SLC27A1: variants seen among roughly 807,000 people sequenced by gnomAD.
The protein encoded by SLC27A1 is solute carrier family 27 member 1, also known as long-chain fatty acid transport protein 1.
Under a neutral mutation model 62.2 loss-of-function variants are expected in SLC27A1, and 61 were observed. The ratio of observed to expected loss-of-function variants is 0.98; its 90% CI spans 0.80 to 1.21. SLC27A1 has a LOEUF of 1.21. SLC27A1 is among the 50% of genes most tolerant of loss of function. The pLI, the probability that SLC27A1 is intolerant of heterozygous loss-of-function variation, is 0.00. For synonymous variants in SLC27A1, 435 were observed against 408.6 expected, an observed-to-expected ratio of 1.06 and a Z score of -0.78; for missense variants, 903 against 932.1, an observed-to-expected ratio of 0.97 and a Z score of 0.41.
At chr19:17,483,430 G>A (rs1366477913) in intron 1 of SLC27A1, among the ~76,000 whole-genome samples, 1 of 152,062 alleles carries the variant, frequency 6.6e-6, no homozygotes, top group Admixed American at 6.6e-5. Context: ...TGTGTGTGGG[G>A]GCTGTGCTCA....
At chr19:17,493,023 T>C (rs1468124921) in intron 6 of SLC27A1, among the ~76,000 whole-genome samples, 2 of 149,948 alleles carry the variant, frequency 1.3e-5, no homozygotes, top group African/African-American at 4.9e-5. Context: ...TTTGGGAGGC[T>C]GAGGCAGGAG....
At chr19:17,499,009 C>T (rs533323596) in intron 7 of SLC27A1, 1 of 154,562 alleles carries the variant, frequency 6.5e-6, no homozygotes, top group Admixed American at 6.5e-5. Flanking sequence ...CACTGAAGCA[C>T]AGCATCACAG....
At chr19:17,471,609 G>A (rs1051116534) in intron 1 of SLC27A1, among the ~76,000 whole-genome samples, 2 of 152,098 alleles carry the variant, frequency 1.3e-5, no homozygotes, top group African/African-American at 4.8e-5. Flanking sequence ...GTGAGCGCCG[G>A]CTAGCGGGGC....
intron 4 of SLC27A1, 160 bp from the exon 5 acceptor site, chr19:17,488,688 C>T (rs1345537422): frequency 6.2e-6 from 4 of 649,072 alleles, no homozygotes; most frequent in Non-Finnish European, 1.1e-5. Context: ...CCTAACACCA[C>T]CAACAATTGT....
chr19:17,481,789 G>A (rs1178328689), intron 1 of SLC27A1, among the ~76,000 whole-genome samples: 2 of 152,216 alleles, frequency 1.3e-5, no homozygotes, highest in African/African-American at 2.4e-5. Flanking sequence ...TTACAGGCAT[G>A]AGCCAGCATG....
At position 17,486,603 on chromosome 19, in the gene SLC27A1, C is replaced by T. The variant is rs1297650399; in HGVS notation, c.208C>T (p.Arg70Trp). 6.3e-7 allele frequency: 1 copy of T among 1,593,648 alleles called. No homozygotes were observed. The highest frequency in any genetic ancestry group is 1.3e-5 in the African/African-American group (1 of 74,868). The part of the protein sequence containing the change: ...VLIRVRLELR[R>W]HQRAGHTIPR... ...GATCCGCGTGCGCCTGGAGCTGCGG[C>T]GGCACCAGCGTGCCGGCCACACCAT... Residue 70 changes from arginine (R) to tryptophan (W), a missense_variant, in exon 2 of 12, where the codon CGG becomes TGG. Transcript: ENST00000252595. The surrounding 1 kb of genome is among the most constrained non-coding windows in gnomAD (Gnocchi z 6.6).
At chr19:17,474,260 A>C (rs1385991275) in intron 1 of SLC27A1, among the ~76,000 whole-genome samples, 1 of 152,140 alleles carries the variant, frequency 6.6e-6, no homozygotes, top group Non-Finnish European at 1.5e-5. Context: ...CTTGCCTTTT[A>C]ATCTTGGGCC....
At chr19:17,500,238 A>G (rs1568424030) in intron 7 of SLC27A1, 40 bp from the exon 8 acceptor site, 2 of 1,602,314 alleles carry the variant, frequency 1.2e-6, no homozygotes, top group Admixed American at 1.7e-5. Flanking sequence ...AGGACCCCGC[A>G]TATCCCCGGC....
At chr19:17,502,043 G>A (rs2075420270) in intron 11 of SLC27A1, among the ~76,000 whole-genome samples, 2 of 151,816 alleles carry the variant, frequency 1.3e-5, no homozygotes, top group South Asian at 4.2e-4. Context: ...TTGAACCTGG[G>A]AGGCAGAGGT....
At chr19:17,488,145 C>T (rs1191488987) in intron 4 of SLC27A1, among the ~76,000 whole-genome samples, 1 of 152,116 alleles carries the variant, frequency 6.6e-6, no homozygotes, top group Non-Finnish European at 1.5e-5. Flanking sequence ...GGTCACTTGA[C>T]GTCAGGAGTT....
At chr19:17,487,390 C>T (rs1260194715) in intron 3 of SLC27A1, 55 bp downstream of exon 3, 3 of 1,519,608 alleles carry the variant, frequency 2.0e-6, no homozygotes, top group Non-Finnish European at 2.7e-6. Flanking sequence ...CCGCCCAGGC[C>T]CCGCCCCCAA....
intron 6 of SLC27A1, among the ~76,000 whole-genome samples, chr19:17,489,493 A>G (rs2075274452): frequency 3.7e-5 from 2 of 54,280 alleles, no homozygotes; most frequent in South Asian, 3.9e-4. Flanking sequence ...ATGCAATCCT[A>G]TAACTTTGGA....
At chr19:17,499,604 G>A (rs1223396831) in intron 7 of SLC27A1, among the ~76,000 whole-genome samples, 2 of 149,910 alleles carry the variant, frequency 1.3e-5, no homozygotes, top group Non-Finnish European at 3.0e-5. Flanking sequence ...TCACGAGTTC[G>A]AGACCAGTCT....
intron 3 of SLC27A1, 47 bp from the exon 4 acceptor site, chr19:17,487,393 GCCCCCAACTTCCAGGCCCCA>G: frequency 3.6e-6 from 1 of 279,064 alleles, no homozygotes; most frequent in South Asian, 6.1e-5. Context: ...CCCAGGCCCC[GCCCCCAACTTCCAGGCCCCA>G]CCCCCCAATG....
At chr19:17,499,907 A>T in intron 7 of SLC27A1, 4 of 219,420 alleles carry the variant, frequency 1.8e-5, no homozygotes, top group Admixed American at 1.0e-4. Flanking sequence ...CATGTTGGAG[A>T]AGCATTTCTG....
intron 6 of SLC27A1, chr19:17,495,284 T>C (rs1387381310): frequency 3.4e-4 from 2 of 5,808 alleles, no homozygotes; most frequent in Admixed American, 8.6e-4. Context: ...CATGTGCCCA[T>C]TTTTTTTTTT....
Position 17,501,328 on chromosome 19 carries a change from C to T in SLC27A1, c.1692C>T (p.Asp564=). The change falls in exon 11 of 12, where the codon GAC becomes GAT. Residue 564 remains aspartate, a synonymous_variant. Coordinates refer to ENST00000252595, the MANE Select transcript of SLC27A1 (RefSeq NM_198580.3). ...AAVADPHSLL[D]PNAIYQELQK... ...TCGCAGACCCCCACAGCCTGCTGGA[C>T]CCCAACGCGATATACCAGGAGCTGC... 1.2e-6 allele frequency: 2 copies of T among 1,613,998 alleles called. No individual in the cohort carries two copies. Among genetic ancestry groups the T allele is most frequent in the South Asian group, 1.1e-5 (1 of 91,078 alleles).
intron 6 of SLC27A1, among the ~76,000 whole-genome samples, chr19:17,490,351 G>A (rs541447568): frequency 1.2e-3 from 177 of 151,698 alleles, no homozygotes; most frequent in Non-Finnish European, 1.9e-3. Context: ...AAGAGGTTTC[G>A]CCATGTTGCC....
intron 1 of SLC27A1, among the ~76,000 whole-genome samples, chr19:17,472,241 A>T (rs937033812): frequency 6.6e-6 from 1 of 151,838 alleles, no homozygotes; most frequent in African/African-American, 2.4e-5. Context: ...AAAAATACAA[A>T]AAAATTAGCC....
Sources: gnomAD v4.1 joint callset for allele counts (sites outside exome capture counted in the v4.1 genomes callset) on GRCh38, gnomAD v4.1.1 for gene constraint, Gnocchi (gnomAD v3.1) non-coding constraint, MANE v1.5 for transcripts, NCBI Gene and HGNC (gene_info 2026-07-23, HGNC 2026-07-21) for gene names.